The following ESRRG variants were observed in gnomAD, a reference collection of about 807,000 sequenced individuals.
The protein encoded by ESRRG is estrogen related receptor gamma.
Under a neutral mutation model 44.0 loss-of-function variants are expected in ESRRG, and 13 were observed. The observed-to-expected ratio is 0.30, with a 90% CI of 0.19 to 0.47. The LOEUF (loss-of-function observed/expected upper bound fraction) is 0.47. Ranked by LOEUF, ESRRG falls within the 20% of genes least tolerant of loss-of-function variation. The pLI, the probability that ESRRG is intolerant of heterozygous loss-of-function variation, is 1.00. For synonymous variants in ESRRG, 215 were observed against 214.6 expected, an observed-to-expected ratio of 1.00 and a Z score of -0.02; for missense variants, 395 against 580.6, an observed-to-expected ratio of 0.68 and a Z score of 3.29.
intron 3 of ESRRG, among the ~76,000 whole-genome samples, chr1:216,623,968 T>G (rs186093937): frequency 6.6e-6 from 1 of 151,992 alleles, no homozygotes; most frequent in East Asian, 1.9e-4. Context: ...TATTTATGAC[T>G]CAAACTCTAC....
At chr1:216,513,481 A>G (rs556353434) in intron 6 of ESRRG, among the ~76,000 whole-genome samples, 132 of 152,294 alleles carry the variant, frequency 8.7e-4, no homozygotes, top group African/African-American at 3.0e-3. Context: ...AGAGCTCTCC[A>G]TTAAGATACT....
chr1:216,838,010 A>G (rs2095595734), intron 2 of ESRRG, among the ~76,000 whole-genome samples: 1 of 152,130 alleles, frequency 6.6e-6, no homozygotes, highest in African/African-American at 2.4e-5. Context: ...TTGGGAGATG[A>G]GCTTTTCTTT....
intron 3 of ESRRG, among the ~76,000 whole-genome samples, chr1:216,636,846 A>G (rs569871413): frequency 6.6e-6 from 1 of 152,362 alleles, no homozygotes; most frequent in South Asian, 2.1e-4. Context: ...GGAGCACATA[A>G]CCAAATAGTT....
chr1:217,056,402 AAACTCATGTTTATT>A (rs2087099996), intron 1 of ESRRG, among the ~76,000 whole-genome samples: 1 of 152,130 alleles, frequency 6.6e-6, no homozygotes. Context: ...GTATAAATAG[AAACTCATGTTTATT>A]AAAGGAAAGA....
chr1:216,900,026 C>T (rs1177081969), intron 2 of ESRRG, among the ~76,000 whole-genome samples: 3 of 152,170 alleles, frequency 2.0e-5, no homozygotes, highest in African/African-American at 7.2e-5. Context: ...TTCCTTCATC[C>T]CTCGCTTTTG....
At chr1:217,043,772 C>A (rs1188783762) in intron 1 of ESRRG, among the ~76,000 whole-genome samples, 1 of 151,924 alleles carries the variant, frequency 6.6e-6, no homozygotes, top group Non-Finnish European at 1.5e-5. Context: ...AGGAACAAGT[C>A]AAAAACTAAG....
At chr1:216,932,268 G>A (rs771984277) in intron 2 of ESRRG, among the ~76,000 whole-genome samples, 35 of 151,756 alleles carry the variant, frequency 2.3e-4, no homozygotes, top group Non-Finnish European at 1.3e-4. Flanking sequence ...AAGAAAAAGA[G>A]GTTAATATTG....
intron 2 of ESRRG, among the ~76,000 whole-genome samples, chr1:216,768,448 C>CGTT (rs1559557939): frequency 1.1e-5 from 1 of 88,340 alleles, no homozygotes; most frequent in Non-Finnish European, 2.4e-5. Context: ...ATCTATCTAT[C>CGTT]ATTATCTATC....
intron 2 of ESRRG, among the ~76,000 whole-genome samples, chr1:216,818,631 A>C (rs1285802047): frequency 1.3e-5 from 2 of 151,552 alleles, no homozygotes; most frequent in Non-Finnish European, 2.9e-5. Context: ...TTTAAGTTCC[A>C]GGGTACATGT....
chr1:217,056,390 G>T (rs2087097345), intron 1 of ESRRG, among the ~76,000 whole-genome samples: 1 of 151,986 alleles, frequency 6.6e-6, no homozygotes, highest in African/African-American at 2.4e-5. Flanking sequence ...GAAGAAGTCT[G>T]GGTATAAATA....
At chr1:216,543,140 G>A (rs1291580475) in intron 5 of ESRRG, among the ~76,000 whole-genome samples, 1 of 151,972 alleles carries the variant, frequency 6.6e-6, no homozygotes, top group Non-Finnish European at 1.5e-5. Flanking sequence ...CAATGCACAT[G>A]GGACAATCTT....
intron 1 of ESRRG, among the ~76,000 whole-genome samples, chr1:216,992,281 G>A (rs1436278566): frequency 6.6e-6 from 1 of 152,168 alleles, no homozygotes; most frequent in East Asian, 1.9e-4. Context: ...TAATGGAGAA[G>A]CCTCTTACAT....
At chr1:216,961,581 T>G (rs1327627877) in intron 1 of ESRRG, among the ~76,000 whole-genome samples, 1 of 149,720 alleles carries the variant, frequency 6.7e-6, no homozygotes, top group African/African-American at 2.5e-5. Flanking sequence ...TTTTTTTGTC[T>G]ATTTCTTCCT....
In ESRRG at chr1:216,795,342, C is replaced by CT. The variant is rs35142972; in HGVS notation, c.-13-117852dup. Among the ~76,000 whole-genome samples, 974 of 105,368 alleles carry CT rather than the reference C, an allele frequency of 9.2e-3. 14 individuals carry two copies. Among genetic ancestry groups the CT allele is most frequent in the East Asian group, 0.023 (80 of 3,498 alleles). 69.1% of individuals were successfully genotyped at this position (105,368 alleles called of 152,430 possible). On this transcript the variant is annotated intron_variant, in intron 2 of 7. Coordinates refer to the ESRRG transcript ENST00000359162. Reference sequence around the variant, plus strand: ...TTTATTTTATGGTTTTTTTCTTTTTCTTTTTTTTTTTTTTTTTTTGAGCCA... The same window carrying CT: ...TTTATTTTATGGTTTTTTTCTTTTTCTTTTTTTTTTTTTTTTTTTTGAGCCA...
At chr1:216,988,092 A>G (rs972980159) in intron 1 of ESRRG, among the ~76,000 whole-genome samples, 2 of 152,098 alleles carry the variant, frequency 1.3e-5, no homozygotes, top group South Asian at 2.1e-4. Context: ...TTTGTCTTGG[A>G]GTCTGTTCCT....
intron 2 of ESRRG, among the ~76,000 whole-genome samples, chr1:216,828,761 A>G (rs1040608678): frequency 6.6e-6 from 1 of 152,124 alleles, no homozygotes; most frequent in South Asian, 2.1e-4. Flanking sequence ...TCAGTGACCA[A>G]TAACTTTGTT....
At chr1:217,124,653 T>A (rs915139994) in intron 1 of ESRRG, among the ~76,000 whole-genome samples, 1 of 152,134 alleles carries the variant, frequency 6.6e-6, no homozygotes, top group Admixed American at 6.5e-5. Flanking sequence ...GCCAGGTCAC[T>A]TTGTTCTACT....
At chr1:216,641,794 A>T (rs567413594) in intron 3 of ESRRG, among the ~76,000 whole-genome samples, 2 of 152,356 alleles carry the variant, frequency 1.3e-5, no homozygotes, top group African/African-American at 2.4e-5. Flanking sequence ...TTATGTTGGG[A>T]TGTCAGGACT....
At position 217,074,613 on chromosome 1, in the gene ESRRG, G is replaced by C. The variant is rs6679463; in HGVS notation, c.-106+14894C>G. 7.5e-3 allele frequency among the ~76,000 whole-genome samples: 1,143 copies of C among 152,164 alleles called. 13 individuals carry two copies. The highest frequency in any genetic ancestry group is 0.026 in the African/African-American group (1,087 of 41,490). ...AGCACTTTGGGAGGCCAAGGTGGGA[G>C]GACAGCTTGAGCCTAGGAACTCGAG... On this transcript the variant is annotated intron_variant, in intron 1 of 7. Transcript: ENST00000359162.
Sources: gnomAD v4.1 joint callset for allele counts (sites outside exome capture counted in the v4.1 genomes callset) on GRCh38, gnomAD v4.1.1 for gene constraint, MANE v1.5 for transcripts, NCBI Gene and HGNC (gene_info 2026-07-23, HGNC 2026-07-21) for gene names.